The following PSMF1 variants were observed in gnomAD, a reference collection of about 807,000 sequenced individuals.
PSMF1 encodes proteasome inhibitor subunit 1.
A neutral mutation model predicts 29.3 loss-of-function variants in PSMF1; 30 were observed. The observed-to-expected ratio is 1.02, with a 90% CI of 0.77 to 1.39. PSMF1 has a LOEUF of 1.39. Among genes scored for constraint, PSMF1 ranks in the 40% most tolerant of loss-of-function variants. The probability of loss-of-function intolerance (pLI) is 0.00; values close to 1 mark genes in which losing one functional copy is unlikely to be tolerated. For synonymous variants in PSMF1, 134 were observed against 139.7 expected (o/e 0.96, Z 0.29); for missense variants, 344 against 357.5 (o/e 0.96, Z 0.31).
At chr20:1,120,793 C>T (rs1477556902) in intron 1 of PSMF1, among the ~76,000 whole-genome samples, 1 of 152,156 alleles carries the variant, frequency 6.6e-6, no homozygotes, top group African/African-American at 2.4e-5. Context: ...CACTCTGTCC[C>T]TCCTCATGTA....
At chr20:1,161,630 C>T (rs2086668377) in intron 4 of PSMF1, 1 of 677,532 alleles carries the variant, frequency 1.5e-6, no homozygotes, top group African/African-American at 1.8e-5. Context: ...CACCTTCCAG[C>T]AGATGTGGAT....
chr20:1,165,209 G>T lies in PSMF1; in HGVS notation c.*129G>T. On this transcript the variant is annotated 3_prime_UTR_variant, in exon 7 of 7. Coordinates refer to ENST00000335877, the MANE Select transcript of PSMF1 (RefSeq NM_006814.5). ...CTGCTCATGTGTTTGCAGACCGGCTGGGATAGCCTCCCCACCCCTTATCAG... is the reference window on the plus strand; with the variant it reads ...CTGCTCATGTGTTTGCAGACCGGCTTGGATAGCCTCCCCACCCCTTATCAG... 6.6e-7 allele frequency: 1 copy of T among 1,519,524 alleles called. No homozygotes were observed. 94.1% of individuals were successfully genotyped at this position (1,519,524 alleles called of 1,614,324 possible).
At chr20:1,120,189 G>A (rs939961373) in intron 1 of PSMF1, among the ~76,000 whole-genome samples, 1 of 151,964 alleles carries the variant, frequency 6.6e-6, no homozygotes, top group Non-Finnish European at 1.5e-5. Flanking sequence ...AGAACCGTCA[G>A]GGATTTCTGG....
chr20:1,126,155 A>G (rs2086153254), intron 2 of PSMF1, among the ~76,000 whole-genome samples: 1 of 152,166 alleles, frequency 6.6e-6, no homozygotes, highest in Admixed American at 6.5e-5. Flanking sequence ...AAAAAAATCT[A>G]AATTATGTCT....
At chr20:1,148,273 A>G (rs911772259) in intron 4 of PSMF1, among the ~76,000 whole-genome samples, 1 of 152,224 alleles carries the variant, frequency 6.6e-6, no homozygotes, top group Non-Finnish European at 1.5e-5. Flanking sequence ...TCTACTCCTG[A>G]GAAGTCTAGG....
chr20:1,133,341 T>G (rs941161648), intron 3 of PSMF1, among the ~76,000 whole-genome samples: 8 of 150,918 alleles, frequency 5.3e-5, no homozygotes, highest in African/African-American at 1.9e-4. Flanking sequence ...CTGTATCAAT[T>G]GATATGATCA....
intron 4 of PSMF1, chr20:1,160,579 T>C (rs1600173762): frequency 2.1e-6 from 1 of 475,506 alleles, no homozygotes; most frequent in East Asian, 6.4e-5. Context: ...CCTCCACCGA[T>C]CACAATGGAA....
upstream of PSMF1, chr20:1,118,464 G>A (rs1440850853): frequency 3.8e-6 from 1 of 265,326 alleles, no homozygotes; most frequent in Admixed American, 5.2e-5. Flanking sequence ...CGATCCTGTC[G>A]ACTGCCGCCA....
intron 1 of PSMF1, among the ~76,000 whole-genome samples, 178 bp downstream of exon 1, chr20:1,119,080 C>G (rs1302105805): frequency 1.3e-5 from 2 of 152,184 alleles, no homozygotes; most frequent in Non-Finnish European, 2.9e-5. Flanking sequence ...CCATCCCAGC[C>G]CAGAGTCCCT....
intron 3 of PSMF1, among the ~76,000 whole-genome samples, chr20:1,133,569 A>ATATATTTTT: frequency 1.9e-5 from 1 of 53,272 alleles, no homozygotes; most frequent in Non-Finnish European, 4.6e-5. Context: ...ATATATATAT[A>ATATATTTTT]TTTTTTTTTT....
At chr20:1,131,438 T>G (rs532664462) in intron 3 of PSMF1, among the ~76,000 whole-genome samples, 1 of 152,350 alleles carries the variant, frequency 6.6e-6, no homozygotes, top group East Asian at 1.9e-4. Context: ...GAGAATGGAA[T>G]GAGATGTCAG....
intron 1 of PSMF1, among the ~76,000 whole-genome samples, chr20:1,123,264 A>G (rs918931286): frequency 6.6e-6 from 1 of 152,102 alleles, no homozygotes; most frequent in Non-Finnish European, 1.5e-5. Context: ...GAGGCCAGCA[A>G]TTCTCAATGT....
At chr20:1,147,400 G>A (rs138622299) in intron 4 of PSMF1, among the ~76,000 whole-genome samples, 1 of 152,194 alleles carries the variant, frequency 6.6e-6, no homozygotes, top group Non-Finnish European at 1.5e-5. Flanking sequence ...GATTTACCCC[G>A]AAGTGGGTCT....
intron 4 of PSMF1, among the ~76,000 whole-genome samples, chr20:1,139,719 T>C (rs1337727780): frequency 7.0e-6 from 1 of 143,446 alleles, no homozygotes; most frequent in East Asian, 2.0e-4. Context: ...CACTCCAGCC[T>C]GGGCAACAGA....
At chr20:1,128,010 C>T (rs1201092099) in intron 3 of PSMF1, among the ~76,000 whole-genome samples, 1 of 152,182 alleles carries the variant, frequency 6.6e-6, no homozygotes, top group Non-Finnish European at 1.5e-5. Flanking sequence ...ACTAATGAGT[C>T]TACATTGACA....
intron 1 of PSMF1, among the ~76,000 whole-genome samples, chr20:1,123,138 AT>A (rs2086111336): frequency 2.0e-5 from 3 of 152,212 alleles, no homozygotes; most frequent in Non-Finnish European, 4.4e-5. Flanking sequence ...CTTCAGGCCT[AT>A]GAATTTCATT....
At position 1,164,921 on chromosome 20, in the gene PSMF1, C is replaced by G; in HGVS notation, c.765-108C>G. On this transcript the variant is annotated intron_variant, in intron 6 of 6. Coordinates refer to ENST00000335877, the MANE Select transcript of PSMF1 (RefSeq NM_006814.5). This position sits in a 1 kb window ranked among gnomAD's most constrained non-coding sequence, Gnocchi z 4.1. ...AGTGCATGTGTTTAAATTCCTCACA[C>G]CGCCACATCATGTTGAAGGGCAGGC... The G allele has an allele frequency of 1.0e-6, 1 of 999,800 alleles. No homozygotes were observed. The highest frequency in any genetic ancestry group is 1.6e-6 in the Non-Finnish European group (1 of 636,204). 61.9% of individuals were successfully genotyped at this position (999,800 alleles called of 1,614,324 possible).
chr20:1,135,012 A>G, intron 3 of PSMF1, 109 bp from the exon 4 acceptor site: 1 of 1,103,152 alleles, frequency 9.1e-7, no homozygotes. Context: ...GCCAAGCGCA[A>G]TGCCAGGAGC....
At chr20:1,130,713 C>T (rs1314533178) in intron 3 of PSMF1, among the ~76,000 whole-genome samples, 2 of 152,126 alleles carry the variant, frequency 1.3e-5, no homozygotes, top group Admixed American at 6.5e-5. Context: ...CACTTATAAA[C>T]AGGCCAAGCA....
Sources: allele counts gnomAD v4.1 joint callset (sites outside exome capture counted in the v4.1 genomes callset), GRCh38; gene constraint gnomAD v4.1.1; non-coding constraint Gnocchi (gnomAD v3.1); transcripts MANE v1.5; gene names NCBI Gene and HGNC (gene_info 2026-07-23, HGNC 2026-07-21).